RSPH14: variants seen among roughly 807,000 people sequenced by gnomAD.
RSPH14 encodes the protein rhabdoid tumor deletion region gene 1.
A neutral mutation model predicts 26.7 loss-of-function variants in RSPH14; 20 were observed. The observed-to-expected ratio is 0.75, with a 90% confidence interval of 0.53 to 1.09. The LOEUF is 1.09. Ranked by LOEUF, RSPH14 falls within the 50% of genes least tolerant of loss-of-function variation. The probability of loss-of-function intolerance (pLI) is 0.00; values close to 1 mark genes in which losing one functional copy is unlikely to be tolerated. For synonymous variants in RSPH14, 177 were observed against 189.3 expected, an observed-to-expected ratio of 0.93 and a Z score of 0.53; for missense variants, 449 against 457.2, an observed-to-expected ratio of 0.98 and a Z score of 0.16.
chr22:23,117,660 G>A (rs1015445220), intron 4 of RSPH14, among the ~76,000 whole-genome samples: 1 of 152,258 alleles, frequency 6.6e-6, no homozygotes, highest in Non-Finnish European at 1.5e-5. Context: ...AGGCCCAGCA[G>A]CTTGGGGTTC....
At chr22:23,158,366 A>T in the RSPH14 span, among the ~76,000 whole-genome samples, 77,045 of 152,122 alleles carry the variant, frequency 0.51, 19,680 homozygotes, top group East Asian at 0.65. Flanking sequence ...GAGGTGCCCC[A>T]CGTGTTCAGT....
chr22:23,167,567 C>T, the RSPH14 span, among the ~76,000 whole-genome samples: 1 of 152,202 alleles, frequency 6.6e-6, no homozygotes, highest in South Asian at 2.1e-4. Flanking sequence ...GTCAGACAAA[C>T]CTCACTCTCT....
intron 4 of RSPH14, among the ~76,000 whole-genome samples, chr22:23,110,811 A>G (rs1011543187): frequency 2.6e-4 from 39 of 151,734 alleles, no homozygotes; most frequent in Non-Finnish European, 5.4e-4. Flanking sequence ...GTTGTCATTG[A>G]CTCCTGAGAG....
intron 4 of RSPH14, chr22:23,125,082 C>G (rs2070145241): frequency 6.6e-6 from 1 of 152,250 alleles, no homozygotes; most frequent in Non-Finnish European, 1.5e-5. Flanking sequence ...TGTGGCTGGA[C>G]TTGGTGCCAT....
intron 4 of RSPH14, among the ~76,000 whole-genome samples, chr22:23,080,704 T>C (rs3827315): frequency 0.4 from 60,467 of 152,202 alleles, 14,511 homozygotes; most frequent in African/African-American, 0.69. Flanking sequence ...TCACATGTCC[T>C]CAAGCCATGA....
chr22:23,109,403 C>T (rs1182900610), intron 4 of RSPH14, among the ~76,000 whole-genome samples: 1 of 152,166 alleles, frequency 6.6e-6, no homozygotes, highest in Non-Finnish European at 1.5e-5. Flanking sequence ...GCTGCTGCTC[C>T]TCTCAGGTCT....
the RSPH14 span, chr22:23,163,843 G>A: frequency 6.6e-6 from 1 of 152,188 alleles, no homozygotes; most frequent in Non-Finnish European, 1.5e-5. Context: ...GCCTTCCTAG[G>A]GAGCTGGCGC....
chr22:23,079,319 G>A (rs920293288), intron 4 of RSPH14, among the ~76,000 whole-genome samples: 9 of 152,230 alleles, frequency 5.9e-5, no homozygotes, highest in African/African-American at 1.9e-4. Flanking sequence ...CCATTGGATG[G>A]GGAGAGGGCG....
At chr22:23,163,360 G>C in the RSPH14 span, 1 of 152,664 alleles carries the variant, frequency 6.6e-6, no homozygotes, top group African/African-American at 2.4e-5. Flanking sequence ...CTCCCGAGTA[G>C]CTGGGACTAC....
At chr22:23,111,081 T>TGC in intron 4 of RSPH14, among the ~76,000 whole-genome samples, 1 of 152,336 alleles carries the variant, frequency 6.6e-6, no homozygotes, top group Non-Finnish European at 1.5e-5. Flanking sequence ...CTGGGGGGCC[T>TGC]GCGCGCCTTC....
chr22:23,129,090 A>C (rs2070248118), intron 4 of RSPH14, among the ~76,000 whole-genome samples: 1 of 152,172 alleles, frequency 6.6e-6, no homozygotes, highest in Admixed American at 6.5e-5. Context: ...AGAGCCACTG[A>C]AATAGATGCC....
intron 4 of RSPH14, among the ~76,000 whole-genome samples, chr22:23,075,676 G>C (rs903717230): frequency 3.3e-5 from 5 of 152,220 alleles, no homozygotes; most frequent in African/African-American, 1.2e-4. Context: ...ATAGTGTCAA[G>C]CCCGGGGGTG....
At chr22:23,143,373 A>C (rs146066405), upstream of RSPH14, among the ~76,000 whole-genome samples, 35 of 152,186 alleles carry the variant, frequency 2.3e-4, no homozygotes, top group East Asian at 6.2e-3. Flanking sequence ...AGGCAAACAG[A>C]TATGCTTCTT....
upstream of RSPH14, chr22:23,142,044 T>A (rs1370105211): frequency 1.1e-5 from 11 of 984,912 alleles, no homozygotes; most frequent in Non-Finnish European, 1.3e-5. Context: ...TCCAGCAGCG[T>A]CCGCGGCGCC....
chr22:23,131,652 T>A lies in RSPH14; in HGVS notation c.421+2374A>T, dbSNP rs77136519. On this transcript the variant is annotated intron_variant, in intron 4 of 6. Coordinates refer to ENST00000216036, the MANE Select transcript of RSPH14 (RefSeq NM_014433.3). Reference sequence around the variant, plus strand: ...CTCCACACTCCAAGAATGAGGGGACTAGACCCTCGCTTATTCCTCAGGTTC... The same window carrying A: ...CTCCACACTCCAAGAATGAGGGGACAAGACCCTCGCTTATTCCTCAGGTTC... 5.5e-3 allele frequency: 7,209 copies of A among 1,303,154 alleles called. 303 individuals carry two copies. In the African/African-American group the frequency reaches 0.092, roughly 17 times the overall value. The allele number at this position is 1,303,154 out of a possible 1,614,324, so 80.7% of individuals were successfully genotyped here.
In RSPH14 at chr22:23,133,873, C is replaced by G. The variant is rs1460910821; in HGVS notation, c.421+153G>C. 3 of 571,636 alleles carry G rather than the reference C, an allele frequency of 5.2e-6. No individual in the cohort carries two copies. In the Admixed American group the frequency reaches 6.7e-5, roughly 13 times the overall value. 35.4% of individuals were successfully genotyped at this position (571,636 alleles called of 1,614,324 possible). On this transcript the variant is annotated intron_variant, in intron 4 of 6. Transcript: ENST00000216036. Reference sequence around the variant, plus strand: ...AAAGTGCTGGGATTACAGGTGTGAGCCACCACACCCAGCGGATATGTGCTT... The same window carrying G: ...AAAGTGCTGGGATTACAGGTGTGAGGCACCACACCCAGCGGATATGTGCTT...
chr22:23,091,431 G>T (rs920058535), intron 4 of RSPH14, among the ~76,000 whole-genome samples: 5 of 146,238 alleles, frequency 3.4e-5, no homozygotes, highest in African/African-American at 2.6e-5. Flanking sequence ...CACCACAATG[G>T]ATTTGCACAC....
intron 4 of RSPH14, chr22:23,096,340 C>T (rs1358951360): frequency 1.9e-6 from 3 of 1,613,732 alleles, no homozygotes; most frequent in South Asian, 1.1e-5. Flanking sequence ...GGATCCACTG[C>T]TTCGAGGGCG....
At chr22:23,131,664 T>C in intron 4 of RSPH14, 1 of 1,302,702 alleles carries the variant, frequency 7.7e-7, no homozygotes, top group South Asian at 1.2e-5. Flanking sequence ...GACCCTCGCT[T>C]ATTCCTCAGG....
Sources: allele counts gnomAD v4.1 joint callset (sites outside exome capture counted in the v4.1 genomes callset), GRCh38; gene constraint gnomAD v4.1.1; transcripts MANE v1.5; gene names NCBI Gene and HGNC (gene_info 2026-07-23, HGNC 2026-07-21).